ZNF568: variants seen among roughly 807,000 people sequenced by gnomAD.
ZNF568 encodes the protein zinc finger protein 568, also known as p53 inhibitor of SCO2 activation.
In ZNF568, 11 loss-of-function variants were observed where a neutral mutation model predicts 18.1. The observed-to-expected ratio is 0.61, with a 90% CI of 0.38 to 1.00. The LOEUF (loss-of-function observed/expected upper bound fraction) is 1.00. Among genes scored for constraint, ZNF568 ranks in the 50% least tolerant of loss-of-function variants. The pLI is 0.01. For missense variants in ZNF568, 639 were observed against 768.2 expected (o/e 0.83, Z 1.99); for synonymous variants, 213 against 246.6 (o/e 0.86, Z 1.28).
rs576613303 is a variant in ZNF568 at position 36,961,012 on chromosome 19, G to A, written c.359-13408G>A. 1.7e-3 allele frequency among the ~76,000 whole-genome samples: 263 copies of A among 152,216 alleles called. 1 individual carries two copies. The highest frequency in any genetic ancestry group is 9.1e-3 in the South Asian group (44 of 4,824). On this transcript the variant is annotated intron_variant, in intron 6 of 7. Coordinates refer to the ZNF568 transcript ENST00000427117. ...ATAGTCTGCATCTGTTGGGTGAAAG[G>A]TTCTGTGAATATCTGTTAGGTGTGT...
chr19:36,950,274 T>C lies in ZNF568; in HGVS notation c.1121T>C (p.Met374Thr). Residue 374 changes from methionine (M) to threonine (T), a missense_variant, in exon 7 of 7, where the codon ATG becomes ACG. Physicochemically the swap from Met to Thr is moderately conservative, Grantham distance 81. Coordinates refer to ENST00000333987, the MANE Select transcript of ZNF568 (RefSeq NM_198539.4). ...CNECGRAFSRMSSVTLHMRSH... is the reference protein window; with the variant it reads ...CNECGRAFSRTSSVTLHMRSH... The stretch of plus-strand genomic sequence containing the variant: ...GAATGTGGTAGAGCTTTTTCTCGAA[T>C]GTCATCTGTTACGCTACATATGAGA... 1 of 1,613,998 alleles carries C rather than the reference T, an allele frequency of 6.2e-7. No homozygotes were observed. The highest frequency in any genetic ancestry group is 8.5e-7 in the Non-Finnish European group (1 of 1,179,970).
At position 36,972,540 on chromosome 19, in the gene ZNF568, G is replaced by A. The variant is rs115753220; in HGVS notation, c.359-1880G>A. ...TCCAGGCCAGCCTGTGGCCCGGCCC[G>A]AGCAGAAATTAGTGACTTAAATGTT... On this transcript the variant is annotated intron_variant, in intron 6 of 7. Coordinates refer to the ZNF568 transcript ENST00000427117. Among the ~76,000 whole-genome samples, 117 of 151,870 alleles carry A rather than the reference G, an allele frequency of 7.7e-4. 2 individuals carry two copies. The highest frequency in any genetic ancestry group is 2.7e-3 in the African/African-American group (112 of 41,380).
intron 6 of ZNF568, among the ~76,000 whole-genome samples, chr19:36,969,734 C>A (rs191385621): frequency 6.6e-6 from 1 of 151,318 alleles, no homozygotes; most frequent in African/African-American, 2.4e-5. Flanking sequence ...TTTTAAGGAC[C>A]CTTGTTGGGC....
At chr19:36,977,934 C>T (rs1385086444) in intron 7 of ZNF568, among the ~76,000 whole-genome samples, 1 of 152,188 alleles carries the variant, frequency 6.6e-6, no homozygotes, top group Non-Finnish European at 1.5e-5. Context: ...CTGGGGTCCC[C>T]CAGCTCCTAC....
chr19:36,980,475 G>A (rs1490378187), downstream of ZNF568, among the ~76,000 whole-genome samples: 2 of 152,102 alleles, frequency 1.3e-5, no homozygotes, highest in East Asian at 1.9e-4. Flanking sequence ...CCTACAAGAT[G>A]CCGTCACTCA....
At chr19:36,996,525 T>C (rs898973905) in exon 5 of ZNF568, 3 of 1,536,210 alleles carry the variant, frequency 2.0e-6, no homozygotes, top group Middle Eastern at 1.7e-4. Flanking sequence ...ATCAGTGGCT[T>C]CATACTGGAG....
In ZNF568 at chr19:36,916,776, TGGC is replaced by T. The variant is rs1377888977; in HGVS notation, c.-256+187_-256+189del. ...ATTAAGGCTGTAGCGAGTGTGAACG[TGGC>T]GAAGTGTGCGTGATTGTAATATGTC... On this transcript the variant is annotated intron_variant, in intron 1 of 6. Transcript: ENST00000333987. This position sits in a 1 kb window ranked among gnomAD's most constrained non-coding sequence, Gnocchi z 5.3. 6.6e-6 allele frequency among the ~76,000 whole-genome samples: 1 copy of T among 152,166 alleles called. No individual in the cohort carries two copies. Among genetic ancestry groups the T allele is most frequent in the Admixed American group, 6.5e-5 (1 of 15,276 alleles).
In ZNF568 at chr19:36,951,042, C is replaced by G. The variant is rs2074052889; in HGVS notation, c.1889C>G (p.Ser630Cys). The G allele has an allele frequency of 1.9e-6, 3 of 1,602,738 alleles. No individual in the cohort carries two copies. The African/African-American group carries it at 4.0e-5, about 22-fold the overall frequency. The part of the protein sequence containing the change: ...GKAFSQRASL[S>C]IHKRGHTGER... ...GCATTCTCTCAAAGAGCATCCCTTTCTATACATAAGAGAGGTCATACAGGT... is the reference window on the plus strand; with the variant it reads ...GCATTCTCTCAAAGAGCATCCCTTTGTATACATAAGAGAGGTCATACAGGT... The change falls in exon 7 of 7, where the codon TCT (serine) becomes TGT (cysteine). Residue 630 changes from serine to cysteine, a missense_variant. Coordinates refer to ENST00000333987, the MANE Select transcript of ZNF568 (RefSeq NM_198539.4).
At chr19:36,940,480 G>A (rs12459308) in intron 6 of ZNF568, among the ~76,000 whole-genome samples, 7 of 152,230 alleles carry the variant, frequency 4.6e-5, no homozygotes, top group African/African-American at 1.7e-4. Flanking sequence ...AGTCCACCTG[G>A]AGAAAGAAAA....
intron 6 of ZNF568, among the ~76,000 whole-genome samples, chr19:36,941,030 AT>A (rs1470050718): frequency 6.6e-6 from 1 of 152,132 alleles, no homozygotes; most frequent in Non-Finnish European, 1.5e-5. Flanking sequence ...GCTGTCTTTT[AT>A]TTTTAAAATT....
chr19:36,993,571 CT>C (rs2074443813), intron 4 of ZNF568, among the ~76,000 whole-genome samples: 1 of 152,026 alleles, frequency 6.6e-6, no homozygotes, highest in Non-Finnish European at 1.5e-5. Flanking sequence ...AATTCAGTCT[CT>C]TTATTTGGTA....
At chr19:36,985,096 C>G (rs1204259525) in intron 2 of ZNF568, among the ~76,000 whole-genome samples, 1 of 152,146 alleles carries the variant, frequency 6.6e-6, no homozygotes, top group Non-Finnish European at 1.5e-5. Flanking sequence ...CTTAATCTCT[C>G]TTCTGTACAT....
At chr19:36,970,663 T>G (rs889253704) in intron 6 of ZNF568, among the ~76,000 whole-genome samples, 1 of 152,116 alleles carries the variant, frequency 6.6e-6, no homozygotes, top group African/African-American at 2.4e-5. Flanking sequence ...TTATGCCACT[T>G]AGACAAAAAT....
At chr19:36,963,095 A>G (rs569371) in intron 6 of ZNF568, among the ~76,000 whole-genome samples, 54,575 of 151,990 alleles carry the variant, frequency 0.36, 10,076 homozygotes, top group African/African-American at 0.41. Context: ...TGGTACCACA[A>G]TCACCTGTTA....
chr19:36,931,999 CT>C (rs1762607601), intron 4 of ZNF568, among the ~76,000 whole-genome samples: 2 of 152,104 alleles, frequency 1.3e-5, no homozygotes, highest in Non-Finnish European at 2.9e-5. Context: ...AACTGTTATC[CT>C]TTGTGTTGCC....
chr19:36,958,572 C>G (rs1307755985), intron 6 of ZNF568, among the ~76,000 whole-genome samples: 1 of 135,776 alleles, frequency 7.4e-6, no homozygotes, highest in Non-Finnish European at 1.6e-5. Context: ...CGCTTTTATT[C>G]TTGTTCATAA....
At chr19:36,934,109 T>C (rs908580734) in intron 4 of ZNF568, among the ~76,000 whole-genome samples, 1 of 151,414 alleles carries the variant, frequency 6.6e-6, no homozygotes, top group Non-Finnish European at 1.5e-5. Flanking sequence ...AGATTAGTAG[T>C]AATGTTTCTT....
chr19:36,922,735 G>T lies in ZNF568; in HGVS notation c.-36G>T. On this transcript the variant is annotated 5_prime_UTR_variant, in exon 3 of 7. Coordinates refer to ENST00000333987, the MANE Select transcript of ZNF568 (RefSeq NM_198539.4). ...GTGGACCCTGGAGTTGCTGGAGCTT[G>T]TCTTGACCCTTCTGCCCAGAGCAGG... The T allele has an allele frequency of 6.2e-7, 1 of 1,604,186 alleles. No individual in the cohort carries two copies. The highest frequency in any genetic ancestry group is 8.5e-7 in the Non-Finnish European group (1 of 1,171,942).
chr19:36,996,807 T>C (rs772621003), exon 5 of ZNF568: 4 of 1,550,982 alleles, frequency 2.6e-6, no homozygotes, highest in Admixed American at 1.9e-5. Flanking sequence ...GTAAGGAATG[T>C]GGGAAAGCCT....
Sources: allele counts gnomAD v4.1 joint callset (sites outside exome capture counted in the v4.1 genomes callset), GRCh38; gene constraint gnomAD v4.1.1; non-coding constraint Gnocchi (gnomAD v3.1); transcripts MANE v1.5; gene names NCBI Gene and HGNC (gene_info 2026-07-23, HGNC 2026-07-21).